IGSF10: variants seen among roughly 807,000 people sequenced by gnomAD.
The protein encoded by IGSF10 is calvaria mechanical force protein 608.
A neutral mutation model predicts 128.2 loss-of-function variants in IGSF10; 126 were observed. The ratio of observed to expected loss-of-function variants is 0.98; its 90% CI spans 0.85 to 1.14. The LOEUF is 1.14. IGSF10 is among the 50% of genes most tolerant of loss of function. The pLI is 0.00. For missense variants in IGSF10, 3,295 were observed against 3,149.8 expected (o/e 1.05, Z -1.10); for synonymous variants, 1,185 against 1,146.2 (o/e 1.03, Z -0.68).
chr3:151,607,234 T>C, the IGSF10 span, among the ~76,000 whole-genome samples: 2 of 152,150 alleles, frequency 1.3e-5, no homozygotes, highest in Non-Finnish European at 2.9e-5. Flanking sequence ...AAGTGAGGGA[T>C]ACTAAGGAGA....
At chr3:151,590,863 A>C in the IGSF10 span, among the ~76,000 whole-genome samples, 11 of 152,176 alleles carry the variant, frequency 7.2e-5, no homozygotes, top group African/African-American at 2.7e-4. Context: ...TATTGTGGTA[A>C]ATTTAGATTT....
chr3:151,435,217 CAAGACCTTGAAA>C (rs1272598908), downstream of IGSF10: 12 of 149,746 alleles, frequency 8.0e-5, no homozygotes, highest in African/African-American at 3.0e-4. Context: ...CCCTTAAAGA[CAAGACCTTGAAA>C]TCAAATGGAG....
At chr3:151,520,005 T>C in the IGSF10 span, among the ~76,000 whole-genome samples, 3 of 151,836 alleles carry the variant, frequency 2.0e-5, no homozygotes, top group East Asian at 3.9e-4. Flanking sequence ...TATAAAGTGA[T>C]AACTAAGTCT....
chr3:151,540,148 T>C, the IGSF10 span, among the ~76,000 whole-genome samples: 2 of 152,168 alleles, frequency 1.3e-5, no homozygotes, highest in Non-Finnish European at 2.9e-5. Context: ...TAATTTAAAT[T>C]TTTTAATAGA....
At chr3:151,444,841 G>T (rs1721085483) in intron 6 of IGSF10, 78 bp downstream of exon 6, 2 of 1,329,262 alleles carry the variant, frequency 1.5e-6, no homozygotes, top group African/African-American at 3.0e-5. Flanking sequence ...TGATTCTTTG[G>T]ATGTTTAATC....
the IGSF10 span, among the ~76,000 whole-genome samples, chr3:151,523,632 G>A: frequency 3.8e-3 from 578 of 152,146 alleles, 2 homozygotes; most frequent in African/African-American, 0.013. Context: ...GATTGAAGCC[G>A]GACTCCTTCC....
rs985073153 is a variant in IGSF10 at position 151,445,667 on chromosome 3, A to C, written c.4314T>G (p.Ser1438=). The C allele has an allele frequency of 4.3e-6, 7 of 1,614,094 alleles. No individual in the cohort carries two copies. The highest frequency in any genetic ancestry group is 5.1e-6 in the Non-Finnish European group (6 of 1,180,050). ...GTGATTTGCTGGACAAAGTTGTTTCAGAAGCAATTGTGCTCTTCAAAGTCT... is the reference window on the plus strand; with the variant it reads ...GTGATTTGCTGGACAAAGTTGTTTCCGAAGCAATTGTGCTCTTCAAAGTCT... ...STQTLKSTIA[S]ETTLSSKSHQ... Residue 1438 remains serine (S), a synonymous_variant, in exon 6 of 8, where the codon TCT becomes TCG. Coordinates refer to ENST00000282466, the MANE Select transcript of IGSF10 (RefSeq NM_178822.5).
intron 3 of IGSF10, among the ~76,000 whole-genome samples, chr3:151,457,603 C>T (rs540146754): frequency 2.6e-5 from 4 of 152,148 alleles, no homozygotes; most frequent in Admixed American, 1.3e-4. Context: ...GGTATGATTA[C>T]GAGCTCAGGC....
downstream of IGSF10, chr3:151,435,062 C>CTTTTTTTT (rs66791814): frequency 5.5e-3 from 648 of 118,264 alleles, 1 homozygote; most frequent in Middle Eastern, 0.015. Context: ...TGAGAGGTTT[C>CTTTTTTTT]TTTTTTTTTT....
the IGSF10 span, among the ~76,000 whole-genome samples, chr3:151,585,380 T>C: frequency 6.6e-6 from 1 of 152,210 alleles, no homozygotes; most frequent in African/African-American, 2.4e-5. Flanking sequence ...CTGTTTAATA[T>C]AAACTGATGT....
the IGSF10 span, among the ~76,000 whole-genome samples, chr3:151,569,095 C>T: frequency 5.3e-5 from 8 of 152,058 alleles, no homozygotes; most frequent in Admixed American, 3.9e-4. Context: ...AATTTGAGAC[C>T]GAATCTTGCT....
At chr3:151,450,725 C>T (rs1356043370) in intron 5 of IGSF10, among the ~76,000 whole-genome samples, 2 of 151,668 alleles carry the variant, frequency 1.3e-5, no homozygotes, top group East Asian at 1.9e-4. Flanking sequence ...GGAAAAACCC[C>T]GTCTCTACTA....
the IGSF10 span, among the ~76,000 whole-genome samples, chr3:151,528,589 A>G: frequency 2.8e-4 from 42 of 152,164 alleles, no homozygotes; most frequent in African/African-American, 9.2e-4. Flanking sequence ...CCTCACCTGG[A>G]ACGTACAAAG....
upstream of IGSF10, chr3:151,461,159 T>G: frequency 1.0e-6 from 1 of 985,410 alleles, no homozygotes; most frequent in Non-Finnish European, 1.2e-6. Context: ...ACCGGGCCCC[T>G]CTTTATGTTT....
the IGSF10 span, among the ~76,000 whole-genome samples, chr3:151,574,533 T>A: frequency 6.6e-6 from 1 of 152,242 alleles, no homozygotes; most frequent in Non-Finnish European, 1.5e-5. Context: ...TGTGTATGCA[T>A]CACATAGTTC....
At chr3:151,495,586 T>TTA in the IGSF10 span, among the ~76,000 whole-genome samples, 10 of 151,874 alleles carry the variant, frequency 6.6e-5, no homozygotes, top group Admixed American at 3.9e-4. Flanking sequence ...CTGTTTTTTT[T>TTA]ATCAGACCTT....
the IGSF10 span, among the ~76,000 whole-genome samples, chr3:151,517,383 C>T: frequency 6.6e-6 from 1 of 152,094 alleles, no homozygotes; most frequent in East Asian, 1.9e-4. Flanking sequence ...GGTTTACAGG[C>T]ACCCTGGCCA....
chr3:151,446,080 T>C lies in IGSF10; in HGVS notation c.3901A>G (p.Ile1301Val). 3 of 1,614,132 alleles carry C rather than the reference T, an allele frequency of 1.9e-6. No individual in the cohort carries two copies. Among genetic ancestry groups the C allele is most frequent in the Non-Finnish European group, 2.5e-6 (3 of 1,179,970 alleles). Residue 1301 changes from isoleucine to valine, a missense_variant, in exon 6 of 8, where the codon ATT becomes GTT. Ile to Val is a conservative substitution (Grantham distance 29, BLOSUM62 3). Coordinates refer to ENST00000282466, the MANE Select transcript of IGSF10 (RefSeq NM_178822.5). ...TTTGTACTTGAGTCTTTGCTTATAA[T>C]ACTAGGAAGCATAGGGTTAAGGGGT... The part of the protein sequence containing the change: ...FPPLNPMLPS[I>V]ISKDSSTKSI...
chr3:151,599,065 T>C, the IGSF10 span, among the ~76,000 whole-genome samples: 1 of 152,168 alleles, frequency 6.6e-6, no homozygotes, highest in East Asian at 1.9e-4. Context: ...GGATAGGGTG[T>C]GTGGAGAAGC....
Sources: allele counts gnomAD v4.1 joint callset (sites outside exome capture counted in the v4.1 genomes callset), GRCh38; gene constraint gnomAD v4.1.1; transcripts MANE v1.5; gene names NCBI Gene and HGNC (gene_info 2026-07-23, HGNC 2026-07-21).